The following SLC1A6 variants were observed in gnomAD, a reference collection of about 807,000 sequenced individuals.
The protein encoded by SLC1A6 is excitatory amino acid transporter 4.
SLC1A6 carries 15 observed loss-of-function variants against 42.1 expected under a neutral mutation model. The observed-to-expected ratio is 0.36, with a 90% CI of 0.24 to 0.55. The LOEUF (loss-of-function observed/expected upper bound fraction) is 0.55, where lower values mean the gene tolerates loss of function less well. Among genes scored for constraint, SLC1A6 ranks in the 20% least tolerant of loss-of-function variants. The probability of loss-of-function intolerance (pLI) is 0.88; values close to 1 mark genes in which losing one functional copy is unlikely to be tolerated. For synonymous variants in SLC1A6, 317 were observed against 319.7 expected, an observed-to-expected ratio of 0.99 and a Z score of 0.09; for missense variants, 542 against 772.5, an observed-to-expected ratio of 0.70 and a Z score of 3.54.
intron 6 of SLC1A6, 137 bp from the exon 7 acceptor site, chr19:14,956,846 C>G: frequency 1.7e-6 from 1 of 594,932 alleles, no homozygotes; most frequent in Non-Finnish European, 3.0e-6. Context: ...CTACTCCATC[C>G]CAGTCTTCCC....
chr19:14,964,833 A>G (rs1371995906), intron 4 of SLC1A6, among the ~76,000 whole-genome samples: 1 of 152,170 alleles, frequency 6.6e-6, no homozygotes, highest in Non-Finnish European at 1.5e-5. Flanking sequence ...CTGTGTGGCA[A>G]AAATCTTGCT....
chr19:14,996,791 T>TCAAG (rs1203563128), intron 1 of SLC1A6, among the ~76,000 whole-genome samples: 2 of 151,978 alleles, frequency 1.3e-5, no homozygotes, highest in South Asian at 4.1e-4. Context: ...AATCAATCAA[T>TCAAG]CAAGCCATTA....
At chr19:14,968,218 G>C in intron 4 of SLC1A6, 85 bp downstream of exon 4, 1 of 1,123,416 alleles carries the variant, frequency 8.9e-7, no homozygotes, top group Non-Finnish European at 1.3e-6. Context: ...CCTGTGGGAT[G>C]ACCTCTTTGC....
At position 14,979,117 on chromosome 19, in the gene SLC1A6, A is replaced by G. The variant is rs1024317354; in HGVS notation, c.-8+192T>C. Among the ~76,000 whole-genome samples, 2 of 147,150 alleles carry G rather than the reference A, an allele frequency of 1.4e-5. No homozygotes were observed. Among genetic ancestry groups the G allele is most frequent in the Non-Finnish European group, 3.0e-5 (2 of 66,418 alleles). The stretch of plus-strand genomic sequence containing the variant: ...ACACACTAATGCCCAGACCCTCTGC[A>G]GCCTCAGCCACATCAGATACATCTG... On this transcript the variant is annotated intron_variant, in intron 1 of 9. Transcript: ENST00000594383. This position sits in a 1 kb window ranked among gnomAD's most constrained non-coding sequence, Gnocchi z 4.2.
At chr19:14,964,455 G>A in intron 4 of SLC1A6, 94 bp from the exon 5 acceptor site, 4 of 960,442 alleles carry the variant, frequency 4.2e-6, no homozygotes, top group Non-Finnish European at 5.1e-6. Context: ...CAACAATAGT[G>A]CAGCCAACAT....
intron 1 of SLC1A6, chr19:14,974,021 T>C (rs557852252): frequency 6.6e-6 from 1 of 152,352 alleles, no homozygotes; most frequent in East Asian, 1.9e-4. Flanking sequence ...CGTCTCCTCT[T>C]TATATTTGGC....
At chr19:14,964,548 T>C (rs3803928) in intron 4 of SLC1A6, among the ~76,000 whole-genome samples, 187 bp from the exon 5 acceptor site, 1 of 151,852 alleles carries the variant, frequency 6.6e-6, no homozygotes, top group African/African-American at 2.4e-5. Flanking sequence ...TAGACATGAG[T>C]CCTATTGAAT....
chr19:15,001,158 T>G (rs1453421287), intron 1 of SLC1A6, among the ~76,000 whole-genome samples: 1 of 117,296 alleles, frequency 8.5e-6, no homozygotes, highest in East Asian at 2.7e-4. Context: ...TTGTTCCAGT[T>G]TGTTCCCAAA....
chr19:14,984,635 T>C (rs2045784255), upstream of SLC1A6, among the ~76,000 whole-genome samples: 1 of 152,238 alleles, frequency 6.6e-6, no homozygotes, highest in South Asian at 2.1e-4. Flanking sequence ...ATTCTGTTAA[T>C]ATTAAAATCC....
At chr19:14,997,509 G>T (rs115537332) in intron 1 of SLC1A6, among the ~76,000 whole-genome samples, 33 of 152,252 alleles carry the variant, frequency 2.2e-4, no homozygotes, top group African/African-American at 7.9e-4. Flanking sequence ...CCCAGAAAAT[G>T]GCAGCATTGG....
At chr19:14,983,718 C>T (rs2045779226), upstream of SLC1A6, among the ~76,000 whole-genome samples, 1 of 86,490 alleles carries the variant, frequency 1.2e-5, no homozygotes, top group Non-Finnish European at 2.3e-5. Flanking sequence ...AACAACAACA[C>T]CAAAAAAAAA....
chr19:14,981,162 A>T (rs557904347), upstream of SLC1A6, among the ~76,000 whole-genome samples: 2 of 152,048 alleles, frequency 1.3e-5, no homozygotes, highest in Admixed American at 1.3e-4. Flanking sequence ...TTAGCTGGGC[A>T]CACACCTGTA....
chr19:14,968,716 C>T (rs1161052300), intron 3 of SLC1A6, among the ~76,000 whole-genome samples: 1 of 152,022 alleles, frequency 6.6e-6, no homozygotes, highest in Admixed American at 6.6e-5. Flanking sequence ...CACCCTCACA[C>T]GCCATCCCAA....
intron 1 of SLC1A6, among the ~76,000 whole-genome samples, chr19:14,986,435 T>C (rs907345845): frequency 1.3e-5 from 2 of 151,344 alleles, no homozygotes; most frequent in Non-Finnish European, 2.9e-5. Flanking sequence ...GGGAGGAGAA[T>C]TGCTTGAACC....
rs1052240809 is a variant in SLC1A6 at position 14,950,035 on chromosome 19, C to A, written c.*160G>T. 6.0e-6 allele frequency: 3 copies of A among 503,342 alleles called. No homozygotes were observed. Among genetic ancestry groups the A allele is most frequent in the African/African-American group, 3.9e-5 (2 of 51,562 alleles). The allele number at this position is 503,342 out of a possible 1,614,324, so 31.2% of individuals were successfully genotyped here. ...CAGAGAGAAACAGAGACCTTATATACCTTTCATTCCTGCTCCTTTATTTCA... is the reference window on the plus strand; with the variant it reads ...CAGAGAGAAACAGAGACCTTATATAACTTTCATTCCTGCTCCTTTATTTCA... On this transcript the variant is annotated 3_prime_UTR_variant, in exon 10 of 10. Coordinates refer to ENST00000594383, the MANE Select transcript of SLC1A6 (RefSeq NM_005071.3).
chr19:14,998,003 T>TGTGTGTGTG (rs1568301469), intron 1 of SLC1A6, among the ~76,000 whole-genome samples: 24 of 140,526 alleles, frequency 1.7e-4, no homozygotes, highest in East Asian at 1.0e-3. Flanking sequence ...AATATGATGT[T>TGTGTGTGTG]TGTGTGTGTG....
At chr19:14,964,509 A>T in intron 4 of SLC1A6, 148 bp from the exon 5 acceptor site, 1 of 711,806 alleles carries the variant, frequency 1.4e-6, no homozygotes, top group Non-Finnish European at 2.6e-6. Flanking sequence ...GCATCTTACT[A>T]TCATCTGATT....
At chr19:14,971,642 G>A in intron 3 of SLC1A6, 95 bp downstream of exon 3, 2 of 1,258,632 alleles carry the variant, frequency 1.6e-6, no homozygotes, top group Admixed American at 2.0e-5. Context: ...GCCGCGTCAA[G>A]GAAGTGGTCC....
At chr19:14,966,310 G>A (rs1186932607) in intron 4 of SLC1A6, among the ~76,000 whole-genome samples, 4 of 152,050 alleles carry the variant, frequency 2.6e-5, no homozygotes, top group South Asian at 2.1e-4. Flanking sequence ...TGGCCAACAC[G>A]GTGAAACCCT....
Sources: gnomAD v4.1 joint callset for allele counts (sites outside exome capture counted in the v4.1 genomes callset) on GRCh38, gnomAD v4.1.1 for gene constraint, Gnocchi (gnomAD v3.1) non-coding constraint, MANE v1.5 for transcripts, NCBI Gene and HGNC (gene_info 2026-07-23, HGNC 2026-07-21) for gene names.